UGT2A2: variants seen among roughly 807,000 people sequenced by gnomAD.
The protein encoded by UGT2A2 is UDP glucuronosyltransferase family 2 member A2, also known as UDP-glucuronosyltransferase 2A2.
In UGT2A2, 60 loss-of-function variants were observed where a neutral mutation model predicts 50.7. The observed-to-expected ratio is 1.18, with a 90% CI of 0.96 to 1.47. The LOEUF (loss-of-function observed/expected upper bound fraction) is 1.47, where lower values mean the gene tolerates loss of function less well. Among genes scored for constraint, UGT2A2 ranks in the 40% most tolerant of loss-of-function variants. UGT2A2 has a pLI of 0.00. For synonymous variants in UGT2A2, 242 were observed against 214.6 expected (o/e 1.13, Z -1.11); for missense variants, 762 against 634.0 (o/e 1.20, Z -2.17).
At chr4:69,601,236 C>T (rs1214629327) in intron 1 of UGT2A2, among the ~76,000 whole-genome samples, 1 of 152,164 alleles carries the variant, frequency 6.6e-6, no homozygotes, top group Non-Finnish European at 1.5e-5. Context: ...GAGCTTCCCT[C>T]TGATCCTCAC....
chr4:69,631,030 T>C (rs976754612), intron 1 of UGT2A2, among the ~76,000 whole-genome samples: 10 of 152,170 alleles, frequency 6.6e-5, no homozygotes, highest in Admixed American at 4.6e-4. Context: ...TATGAAATCA[T>C]CGACATAAGC....
rs1310108130 is a variant in UGT2A2 at position 69,607,850 on chromosome 4, C to A, written c.743-8456G>T. 2.6e-5 allele frequency among the ~76,000 whole-genome samples: 4 copies of A among 152,136 alleles called. No individual in the cohort carries two copies. In the East Asian group the frequency reaches 5.8e-4, roughly 22 times the overall value. On this transcript the variant is annotated intron_variant, in intron 1 of 5. Transcript: ENST00000604629. ...ATCATCACTGGCCATCAGAGAAATG[C>A]AAAACAAAACCACAATGAGATACCA...
chr4:69,631,435 A>C (rs112077704), intron 1 of UGT2A2, among the ~76,000 whole-genome samples: 4,521 of 152,238 alleles, frequency 0.03, 226 homozygotes, highest in African/African-American at 0.1. Context: ...CATCATCATA[A>C]ATTTTAAAAC....
intron 1 of UGT2A2, among the ~76,000 whole-genome samples, chr4:69,600,862 C>T (rs1719244274): frequency 6.6e-6 from 1 of 151,804 alleles, no homozygotes. Context: ...AGAAGAGTAC[C>T]AAGGGAGGAT....
intron 2 of UGT2A2, among the ~76,000 whole-genome samples, chr4:69,596,672 C>T (rs1183531530): frequency 1.3e-5 from 2 of 152,114 alleles, no homozygotes; most frequent in African/African-American, 4.8e-5. Flanking sequence ...TAGTCTCATG[C>T]CATCGTGTCT....
intron 5 of UGT2A2, among the ~76,000 whole-genome samples, chr4:69,592,767 A>C (rs988944594): frequency 2.2e-4 from 33 of 152,218 alleles, no homozygotes; most frequent in African/African-American, 7.9e-4. Flanking sequence ...TCCAGAAGTA[A>C]AGATAAAAAA....
At chr4:69,631,148 C>A (rs534950896) in intron 1 of UGT2A2, among the ~76,000 whole-genome samples, 11 of 152,016 alleles carry the variant, frequency 7.2e-5, no homozygotes, top group Non-Finnish European at 1.5e-4. Context: ...TTCCTATTAA[C>A]GTCTTTTCTT....
chr4:69,624,591 T>C (rs538957372), intron 1 of UGT2A2, among the ~76,000 whole-genome samples: 21 of 151,452 alleles, frequency 1.4e-4, no homozygotes, highest in Non-Finnish European at 2.2e-4. Flanking sequence ...ATGATCCTAG[T>C]TGATTTTTTT....
chr4:69,633,204 A>C (rs1415741618), intron 1 of UGT2A2, among the ~76,000 whole-genome samples: 1 of 152,188 alleles, frequency 6.6e-6, no homozygotes, highest in African/African-American at 2.4e-5. Context: ...ATTTGATGAA[A>C]GAAATCATAC....
At chr4:69,610,248 A>AG (rs1356076212) in intron 1 of UGT2A2, among the ~76,000 whole-genome samples, 1 of 151,464 alleles carries the variant, frequency 6.6e-6, no homozygotes, top group African/African-American at 2.4e-5. Flanking sequence ...TGCCATTACA[A>AG]AAAAAAAGTT....
intron 5 of UGT2A2, among the ~76,000 whole-genome samples, chr4:69,591,985 G>T (rs948423199): frequency 6.6e-6 from 1 of 152,098 alleles, no homozygotes; most frequent in Non-Finnish European, 1.5e-5. Flanking sequence ...ATTAATAAAA[G>T]TCAATTAATT....
At chr4:69,608,415 T>C (rs1719807756) in intron 1 of UGT2A2, among the ~76,000 whole-genome samples, 1 of 108,620 alleles carries the variant, frequency 9.2e-6, no homozygotes, top group Non-Finnish European at 1.9e-5. Flanking sequence ...CACCGGGGCC[T>C]GTTGTGGGGT....
At chr4:69,594,740 CATT>C in intron 4 of UGT2A2, 44 bp from the exon 5 acceptor site, 1 of 1,578,030 alleles carries the variant, frequency 6.3e-7, no homozygotes, top group Non-Finnish European at 8.6e-7. Context: ...AATAATAACA[CATT>C]AGCAGAATTT....
chr4:69,607,544 G>A (rs1294746862), intron 1 of UGT2A2, among the ~76,000 whole-genome samples: 1 of 151,714 alleles, frequency 6.6e-6, no homozygotes, highest in Non-Finnish European at 1.5e-5. Context: ...AAAAGCAATG[G>A]CAACAAAAGC....
intron 1 of UGT2A2, among the ~76,000 whole-genome samples, chr4:69,629,656 A>T (rs73824181): frequency 0.11 from 17,258 of 152,032 alleles, 1,013 homozygotes; most frequent in South Asian, 0.21. Context: ...ACCACATATC[A>T]TTTCTAGGAA....
chr4:69,627,065 C>T (rs1174000367), intron 1 of UGT2A2, among the ~76,000 whole-genome samples: 1 of 151,790 alleles, frequency 6.6e-6, no homozygotes, highest in East Asian at 1.9e-4. Flanking sequence ...TAGGTATATT[C>T]ATTGTTACTG....
At position 69,600,916 on chromosome 4, in the gene UGT2A2, C is replaced by T. The variant is rs117039532; in HGVS notation, c.743-1522G>A. On this transcript the variant is annotated intron_variant, in intron 1 of 5. Coordinates refer to ENST00000604629, the MANE Select transcript of UGT2A2 (RefSeq NM_001105677.2). ...AATACTCTACCCCCATGATCCAATC[C>T]TCTCCAATCAGGCCCCACTTCCAAC... is the stretch of plus-strand genomic sequence containing the variant. Among the ~76,000 whole-genome samples the T allele has an allele frequency of 3.2e-3, 488 of 152,230 alleles. 5 individuals are homozygous for T. Among genetic ancestry groups the T allele is most frequent in the East Asian group, 0.02 (105 of 5,168 alleles).
chr4:69,595,259 AT>A lies in UGT2A2; in HGVS notation c.1024-11del. Reference sequence around the variant, plus strand: ...TGTATCTCCATAAAACCTGTGGAAAATGGTGCTTTAATTTTGCAAGGAAAAA... The same window carrying A: ...TGTATCTCCATAAAACCTGTGGAAAAGGTGCTTTAATTTTGCAAGGAAAAA... On this transcript the variant is annotated splice_polypyrimidine_tract_variant and intron_variant, in intron 3 of 5. Transcript: ENST00000604629. 1 of 1,613,264 alleles carries A rather than the reference AT, an allele frequency of 6.2e-7. No homozygotes were observed. Among genetic ancestry groups the A allele is most frequent in the Non-Finnish European group, 8.5e-7 (1 of 1,179,718 alleles).
chr4:69,602,611 CTGAAAT>C (rs1204010078), intron 1 of UGT2A2, among the ~76,000 whole-genome samples: 1 of 136,920 alleles, frequency 7.3e-6, no homozygotes, highest in Non-Finnish European at 1.6e-5. Flanking sequence ...AACATAGCAA[CTGAAAT>C]TTCTGTGCAC....
Sources: allele counts gnomAD v4.1 joint callset (sites outside exome capture counted in the v4.1 genomes callset), GRCh38; gene constraint gnomAD v4.1.1; transcripts MANE v1.5; gene names NCBI Gene and HGNC (gene_info 2026-07-23, HGNC 2026-07-21).